Variants in ROBO1 observed in about 807,000 individuals in gnomAD.
ROBO1 encodes roundabout homolog 1.
A neutral mutation model predicts 195.9 loss-of-function variants in ROBO1; 149 were observed. The ratio of observed to expected loss-of-function variants is 0.76; its 90% CI spans 0.67 to 0.87. The LOEUF (loss-of-function observed/expected upper bound fraction) is 0.87, where lower values mean the gene tolerates loss of function less well. Among genes scored for constraint, ROBO1 ranks in the 40% least tolerant of loss-of-function variants. The probability of loss-of-function intolerance (pLI) is 0.00; values close to 1 mark genes in which losing one functional copy is unlikely to be tolerated. For missense variants in ROBO1, 1,933 were observed against 2,068.3 expected (o/e 0.93, Z 1.27); for synonymous variants, 816 against 733.2 (o/e 1.11, Z -1.82).
chr3:79,197,867 C>T (rs1456968254), intron 2 of ROBO1, among the ~76,000 whole-genome samples: 1 of 148,236 alleles, frequency 6.7e-6, no homozygotes, highest in Admixed American at 6.7e-5. Flanking sequence ...ATATCCTTCG[C>T]CCATTTTTTT....
At chr3:78,608,020 T>TACACACACAC (rs56715450) in intron 28 of ROBO1, among the ~76,000 whole-genome samples, 3,684 of 149,828 alleles carry the variant, frequency 0.025, 69 homozygotes, top group Middle Eastern at 0.034. Flanking sequence ...TAATTTCATT[T>TACACACACAC]ACACACACAC....
At chr3:78,890,498 TG>T (rs1289039092) in intron 4 of ROBO1, among the ~76,000 whole-genome samples, 1 of 152,062 alleles carries the variant, frequency 6.6e-6, no homozygotes, top group Non-Finnish European at 1.5e-5. Context: ...AAGTAAACGT[TG>T]GTTGTTTAAG....
intron 4 of ROBO1, among the ~76,000 whole-genome samples, chr3:78,926,591 C>T (rs72904241): frequency 0.01 from 1,571 of 152,146 alleles, 28 homozygotes; most frequent in African/African-American, 0.036. Flanking sequence ...TGAAAAGTCG[C>T]ATTTTGGACA....
At chr3:79,095,048 G>T (rs2079543502) in intron 3 of ROBO1, among the ~76,000 whole-genome samples, 1 of 151,724 alleles carries the variant, frequency 6.6e-6, no homozygotes, top group Non-Finnish European at 1.5e-5. Flanking sequence ...AATGGAGAAT[G>T]ATCATAAGCA....
At chr3:79,284,378 A>C (rs2031748548) in intron 2 of ROBO1, among the ~76,000 whole-genome samples, 1 of 152,152 alleles carries the variant, frequency 6.6e-6, no homozygotes, top group Non-Finnish European at 1.5e-5. Context: ...AACTATTCTC[A>C]GTTTTAAGAT....
chr3:79,181,925 CAAA>C (rs151309857), intron 2 of ROBO1, among the ~76,000 whole-genome samples: 6 of 87,634 alleles, frequency 6.8e-5, no homozygotes, highest in Admixed American at 1.3e-4. Context: ...GATCTTGTGC[CAAA>C]AAAAAAAAAA....
intron 29 of ROBO1, among the ~76,000 whole-genome samples, chr3:78,604,163 C>T (rs547130721): frequency 1.6e-4 from 24 of 152,162 alleles, no homozygotes; most frequent in South Asian, 2.1e-4. Context: ...CTCCTCCTCC[C>T]GGGTTCAAGC....
At chr3:79,049,806 T>C (rs2078662505) in intron 3 of ROBO1, among the ~76,000 whole-genome samples, 3 of 151,932 alleles carry the variant, frequency 2.0e-5, no homozygotes, top group Admixed American at 2.0e-4. Context: ...CTAAGCTTCA[T>C]AAGTGGAGAA....
At chr3:78,795,491 T>C (rs141941414) in intron 4 of ROBO1, among the ~76,000 whole-genome samples, 1 of 152,232 alleles carries the variant, frequency 6.6e-6, no homozygotes. Context: ...GCCATCTTTA[T>C]TGAGATCTCA....
At chr3:79,070,116 A>G (rs1427931755) in intron 3 of ROBO1, among the ~76,000 whole-genome samples, 2 of 151,782 alleles carry the variant, frequency 1.3e-5, no homozygotes, top group African/African-American at 2.4e-5. Context: ...TTAACTAAAC[A>G]ATATCTCTGA....
At chr3:79,373,094 C>T (rs1577035698) in intron 2 of ROBO1, among the ~76,000 whole-genome samples, 1 of 152,102 alleles carries the variant, frequency 6.6e-6, no homozygotes, top group Admixed American at 6.5e-5. Flanking sequence ...GTTACAGCAG[C>T]TAGAGTAGAC....
At chr3:79,188,386 T>C (rs566230248) in intron 2 of ROBO1, among the ~76,000 whole-genome samples, 2 of 151,926 alleles carry the variant, frequency 1.3e-5, no homozygotes, top group Admixed American at 6.6e-5. Flanking sequence ...GTTACTATAA[T>C]AGTAATATAT....
chr3:79,320,265 G>A (rs1293646224), intron 2 of ROBO1, among the ~76,000 whole-genome samples: 2 of 152,132 alleles, frequency 1.3e-5, no homozygotes, highest in African/African-American at 2.4e-5. Context: ...TCTCTATTAA[G>A]CAGGTGCGAA....
chr3:78,824,429 A>T (rs2108697309), intron 4 of ROBO1, among the ~76,000 whole-genome samples: 1 of 152,262 alleles, frequency 6.6e-6, no homozygotes, highest in African/African-American at 2.4e-5. Context: ...ATTGTTTGTG[A>T]TTTTTGCATT....
chr3:79,483,129 T>C (rs1938957641), intron 2 of ROBO1, among the ~76,000 whole-genome samples: 1 of 152,208 alleles, frequency 6.6e-6, no homozygotes, highest in Non-Finnish European at 1.5e-5. Flanking sequence ...CCAATATTTA[T>C]TTTTTTATGT....
intron 5 of ROBO1, among the ~76,000 whole-genome samples, chr3:78,722,563 T>C (rs2082068396): frequency 6.6e-6 from 1 of 152,150 alleles, no homozygotes; most frequent in African/African-American, 2.4e-5. Flanking sequence ...ATAGCAGAGA[T>C]ATTAATCATC....
intron 2 of ROBO1, among the ~76,000 whole-genome samples, chr3:79,482,572 TCCTTTATAGATTAC>T (rs1938919676): frequency 6.6e-6 from 1 of 152,182 alleles, no homozygotes; most frequent in Admixed American, 6.5e-5. Flanking sequence ...TAAACCTCTT[TCCTTTATAGATTAC>T]CCAGTCTCTG....
intron 2 of ROBO1, among the ~76,000 whole-genome samples, chr3:79,447,608 T>C (rs928539443): frequency 9.9e-5 from 15 of 152,200 alleles, no homozygotes; most frequent in African/African-American, 3.4e-4. Context: ...CTTTAAAAAT[T>C]AAATTGATTT....
At chr3:78,990,760 C>G (rs1303530539) in intron 3 of ROBO1, among the ~76,000 whole-genome samples, 1 of 151,914 alleles carries the variant, frequency 6.6e-6, no homozygotes, top group Non-Finnish European at 1.5e-5. Context: ...AACTACATAC[C>G]AGGCTATTTT....
Sources: allele counts gnomAD v4.1 joint callset (sites outside exome capture counted in the v4.1 genomes callset), GRCh38; gene constraint gnomAD v4.1.1; transcripts MANE v1.5; gene names NCBI Gene and HGNC (gene_info 2026-07-23, HGNC 2026-07-21).